Variants in MRTFB observed in about 807,000 individuals in gnomAD.
The protein encoded by MRTFB is myocardin-related transcription factor B.
Under a neutral mutation model 104.2 loss-of-function variants are expected in MRTFB, and 29 were observed. The ratio of observed to expected loss-of-function variants is 0.28; its 90% CI spans 0.21 to 0.38. MRTFB has a LOEUF of 0.38. Among genes scored for constraint, MRTFB ranks in the 10% least tolerant of loss-of-function variants. MRTFB has a pLI of 1.00. For synonymous variants in MRTFB, 535 were observed against 519.5 expected, an observed-to-expected ratio of 1.03 and a Z score of -0.41; for missense variants, 1,270 against 1,341.6, an observed-to-expected ratio of 0.95 and a Z score of 0.83.
intron 3 of MRTFB, chr16:14,186,990 G>C: frequency 6.3e-7 from 1 of 1,597,682 alleles, no homozygotes; most frequent in Non-Finnish European, 8.5e-7. Context: ...ACCATTAAAA[G>C]AAAAGGAATG....
chr16:14,175,727 G>GATGA (rs2039558401), intron 3 of MRTFB, among the ~76,000 whole-genome samples: 2 of 152,156 alleles, frequency 1.3e-5, no homozygotes, highest in African/African-American at 4.8e-5. Flanking sequence ...TCATCAAACA[G>GATGA]ATGAATGGAT....
In MRTFB at chr16:14,247,309, G is replaced by C; in HGVS notation, c.2049G>C (p.Glu683Asp). The C allele has an allele frequency of 6.2e-7, 1 of 1,614,216 alleles. No homozygotes were observed. Among genetic ancestry groups the C allele is most frequent in the South Asian group, 1.1e-5 (1 of 91,074 alleles). Residue 683 changes from glutamate (E) to aspartate (D), a missense_variant, in exon 12 of 17, where the codon GAG becomes GAC. Glu to Asp is a conservative substitution (Grantham distance 45, BLOSUM62 2). Around this residue, in one of 3 missense-constraint regions of MRTFB, gnomAD observed 1,144 missense variants for 1,131.5 expected, o/e 1.01. Coordinates refer to ENST00000571589, the MANE Select transcript of MRTFB (RefSeq NM_001308142.2). ...VAKKAVVIKQ[E>D]VPVGQAEQQS... ...AAAAGGCTGTAGTTATCAAGCAAGA[G>C]GTCCCTGTGGGCCAGGCAGAGCAGC...
At chr16:13,995,802 A>G in the MRTFB span, among the ~76,000 whole-genome samples, 1 of 152,044 alleles carries the variant, frequency 6.6e-6, no homozygotes, top group South Asian at 2.1e-4. Flanking sequence ...ATCTAGTGAG[A>G]ACTCATGAGA....
chr16:14,080,483 T>C (rs1341326765), intron 2 of MRTFB, among the ~76,000 whole-genome samples: 1 of 152,226 alleles, frequency 6.6e-6, no homozygotes, highest in Non-Finnish European at 1.5e-5. Context: ...ATTTTTGTGG[T>C]GAGAACATTG....
At chr16:14,088,742 A>T (rs2034874546) in intron 2 of MRTFB, among the ~76,000 whole-genome samples, 1 of 152,176 alleles carries the variant, frequency 6.6e-6, no homozygotes, top group South Asian at 2.1e-4. Flanking sequence ...GCGGGATGTT[A>T]ATTTGGTTAT....
intron 3 of MRTFB, among the ~76,000 whole-genome samples, chr16:14,169,707 A>G (rs939618134): frequency 4.7e-4 from 72 of 152,130 alleles, no homozygotes; most frequent in African/African-American, 1.7e-3. Flanking sequence ...AGTTACTATG[A>G]AGAGACAGTT....
intron 3 of MRTFB, among the ~76,000 whole-genome samples, chr16:14,159,371 A>G (rs1034751158): frequency 3.4e-4 from 52 of 152,314 alleles, no homozygotes; most frequent in African/African-American, 1.2e-3. Flanking sequence ...AAATTTCTCT[A>G]GTAGAAGATG....
the MRTFB span, among the ~76,000 whole-genome samples, chr16:14,043,143 G>T: frequency 6.6e-6 from 1 of 152,100 alleles, no homozygotes; most frequent in African/African-American, 2.4e-5. Flanking sequence ...ATATGCAATG[G>T]GTGTTGCACT....
chr16:14,049,095 A>ACT, the MRTFB span, among the ~76,000 whole-genome samples: 1 of 152,174 alleles, frequency 6.6e-6, no homozygotes, highest in Admixed American at 6.6e-5. Context: ...AGGGGATACT[A>ACT]CTGGCGTCTA....
the MRTFB span, among the ~76,000 whole-genome samples, chr16:14,031,226 C>T: frequency 3.3e-5 from 5 of 151,914 alleles, no homozygotes; most frequent in Non-Finnish European, 5.9e-5. Flanking sequence ...AGCCCATCTC[C>T]ACAAAAAATT....
intron 3 of MRTFB, chr16:14,144,235 A>C (rs1460595825): frequency 1.3e-5 from 2 of 152,224 alleles, no homozygotes; most frequent in East Asian, 3.8e-4. Context: ...GAAACTGTGC[A>C]AAGACTCCAC....
the MRTFB span, among the ~76,000 whole-genome samples, chr16:14,013,669 G>C: frequency 2.0e-5 from 3 of 152,204 alleles, no homozygotes; most frequent in African/African-American, 7.2e-5. Context: ...GACATATTTT[G>C]TTTTCTCTTG....
In MRTFB at chr16:14,251,024, G is replaced by A. The variant is rs541139565; in HGVS notation, c.2404-838G>A. The stretch of plus-strand genomic sequence containing the variant: ...TGATGTAAGTGGCTTTGACGCCTGG[G>A]AGCAAGGTTGGAAGTAGAGCAGTGG... On this transcript the variant is annotated intron_variant, in intron 13 of 16. Transcript: ENST00000571589. Among the ~76,000 whole-genome samples, 273 of 152,266 alleles carry A rather than the reference G, an allele frequency of 1.8e-3. 2 individuals carry two copies. The highest frequency in any genetic ancestry group is 9.4e-4 in the Non-Finnish European group (64 of 68,014).
Position 14,124,354 on chromosome 16 carries a change from G to A in MRTFB, c.-63-16190G>A, listed in dbSNP as rs574182313. On this transcript the variant is annotated intron_variant, in intron 2 of 16. Coordinates refer to ENST00000571589, the MANE Select transcript of MRTFB (RefSeq NM_001308142.2). ...CCTTGTCTTGTGCCAGTTTTCAAAG[G>A]GAATGCTTCCAGTTTTTGCCCATTC... Among the ~76,000 whole-genome samples, 3 of 152,194 alleles carry A rather than the reference G, an allele frequency of 2.0e-5. No individual in the cohort carries two copies. In the South Asian group the frequency reaches 6.2e-4, roughly 32 times the overall value.
chr16:14,097,128 T>C (rs1203764688), intron 2 of MRTFB, among the ~76,000 whole-genome samples: 1 of 152,228 alleles, frequency 6.6e-6, no homozygotes, highest in Non-Finnish European at 1.5e-5. Flanking sequence ...TAAATTATTC[T>C]AAGAGGAGAT....
intron 3 of MRTFB, among the ~76,000 whole-genome samples, chr16:14,156,372 ACC>A (rs1232236100): frequency 6.6e-6 from 1 of 152,070 alleles, no homozygotes; most frequent in East Asian, 1.9e-4. Context: ...TTATTTTTGG[ACC>A]CACCCAAACG....
intron 8 of MRTFB, among the ~76,000 whole-genome samples, chr16:14,224,177 G>A (rs2041887828): frequency 6.6e-6 from 1 of 152,132 alleles, no homozygotes; most frequent in Admixed American, 6.5e-5. Flanking sequence ...GAACAGAAAG[G>A]GGGAAGTCTG....
chr16:14,155,675 C>A (rs1054190857), intron 3 of MRTFB, among the ~76,000 whole-genome samples: 2 of 152,120 alleles, frequency 1.3e-5, no homozygotes, highest in African/African-American at 4.8e-5. Context: ...CAGGGAGACT[C>A]CCCTTAAAGG....
chr16:14,031,453 T>C, the MRTFB span, among the ~76,000 whole-genome samples: 6 of 152,248 alleles, frequency 3.9e-5, no homozygotes, highest in South Asian at 1.2e-3. Context: ...TTTATCATTT[T>C]AACAGTTATG....
Sources: allele counts gnomAD v4.1 joint callset (sites outside exome capture counted in the v4.1 genomes callset), GRCh38; gene constraint gnomAD v4.1.1; regional missense constraint gnomAD v4.1.1; transcripts MANE v1.5; gene names NCBI Gene and HGNC (gene_info 2026-07-23, HGNC 2026-07-21).